Variants in CAMK4 observed in about 807,000 individuals in gnomAD.
CAMK4 encodes the protein calcium/calmodulin-dependent protein kinase type IV.
CAMK4 carries 22 observed loss-of-function variants against 44.9 expected under a neutral mutation model. The ratio of observed to expected loss-of-function variants is 0.49; its 90% CI spans 0.35 to 0.70. CAMK4 has a LOEUF of 0.70. CAMK4 is among the 30% of genes least tolerant of loss of function. The pLI, the probability that CAMK4 is intolerant of heterozygous loss-of-function variation, is 0.01. For synonymous variants in CAMK4, 218 were observed against 215.4 expected, an observed-to-expected ratio of 1.01 and a Z score of -0.11; for missense variants, 498 against 586.8, an observed-to-expected ratio of 0.85 and a Z score of 1.56.
At chr5:111,236,492 A>G (rs949464065) in intron 1 of CAMK4, among the ~76,000 whole-genome samples, 1 of 152,280 alleles carries the variant, frequency 6.6e-6, no homozygotes, top group Non-Finnish European at 1.5e-5. Flanking sequence ...TCACACAGCC[A>G]GGTGGAGAGG....
At chr5:111,352,586 G>C (rs527886129) in intron 2 of CAMK4, among the ~76,000 whole-genome samples, 171 of 145,482 alleles carry the variant, frequency 1.2e-3, no homozygotes, top group Admixed American at 2.5e-3. Flanking sequence ...AAAATCAAGG[G>C]GCCAGCATGT....
chr5:111,232,797 C>T lies in CAMK4; in HGVS notation c.161+8153C>T, dbSNP rs570421959. ...TTTTTTTTTAAGGAAAAAACAATCC[C>T]ATAGCCTATGACTAGGTAAGAAAGG... On this transcript the variant is annotated intron_variant, in intron 1 of 10. Coordinates refer to ENST00000282356, the MANE Select transcript of CAMK4 (RefSeq NM_001744.6). Among the ~76,000 whole-genome samples the T allele has an allele frequency of 2.3e-3, 345 of 151,444 alleles. 1 individual carries two copies. The highest frequency in any genetic ancestry group is 7.8e-3 in the African/African-American group (320 of 41,212).
intron 1 of CAMK4, among the ~76,000 whole-genome samples, chr5:111,293,913 A>AT (rs1320281545): frequency 1.3e-4 from 19 of 150,518 alleles, no homozygotes; most frequent in African/African-American, 4.6e-4. Context: ...TGCCCGGCTA[A>AT]TTTTTTTGTA....
chr5:111,331,348 T>C (rs140087725), intron 1 of CAMK4, among the ~76,000 whole-genome samples: 143 of 151,838 alleles, frequency 9.4e-4, no homozygotes, highest in African/African-American at 3.3e-3. Context: ...TCAACATCAT[T>C]ATTCGTGGAA....
chr5:111,478,596 C>A, intron 9 of CAMK4, 89 bp downstream of exon 9: 2 of 522,300 alleles, frequency 3.8e-6, no homozygotes, highest in South Asian at 7.6e-5. Context: ...AAATTTTACC[C>A]ATATTAATGC....
intron 8 of CAMK4, among the ~76,000 whole-genome samples, chr5:111,476,568 C>T (rs897951650): frequency 4.0e-5 from 6 of 151,790 alleles, no homozygotes; most frequent in Non-Finnish European, 8.8e-5. Context: ...TGACCCACCG[C>T]GCATGGCCCA....
At chr5:111,429,168 A>G (rs973562796) in intron 5 of CAMK4, among the ~76,000 whole-genome samples, 6 of 148,358 alleles carry the variant, frequency 4.0e-5, no homozygotes, top group Non-Finnish European at 5.9e-5. Context: ...ATTAAAGTGA[A>G]AAAAAAGTGC....
chr5:111,455,300 T>G (rs1341899275), intron 7 of CAMK4, among the ~76,000 whole-genome samples: 1 of 152,164 alleles, frequency 6.6e-6, no homozygotes, highest in African/African-American at 2.4e-5. Flanking sequence ...ATTCTGAGTT[T>G]CCATAAAGAA....
intron 2 of CAMK4, among the ~76,000 whole-genome samples, chr5:111,355,161 T>C (rs1339681357): frequency 6.6e-6 from 1 of 152,054 alleles, no homozygotes; most frequent in African/African-American, 2.4e-5. Flanking sequence ...TTAAGGAAAG[T>C]AGCTTTCAGA....
intron 1 of CAMK4, among the ~76,000 whole-genome samples, chr5:111,226,928 A>G (rs1323840131): frequency 6.6e-6 from 1 of 152,238 alleles, no homozygotes; most frequent in African/African-American, 2.4e-5. Context: ...CTGTCTATAC[A>G]TTGCTAAGAT....
At chr5:111,477,815 A>G (rs1385930574) in intron 8 of CAMK4, among the ~76,000 whole-genome samples, 1 of 152,202 alleles carries the variant, frequency 6.6e-6, no homozygotes, top group Non-Finnish European at 1.5e-5. Context: ...CTGAAATCCA[A>G]ACTGGAATGG....
At chr5:111,283,276 A>G (rs1432765599) in intron 1 of CAMK4, among the ~76,000 whole-genome samples, 1 of 152,058 alleles carries the variant, frequency 6.6e-6, no homozygotes, top group African/African-American at 2.4e-5. Context: ...TTAGACTTAT[A>G]TGTAGATCTT....
At chr5:111,223,717 TC>T (rs929452255), upstream of CAMK4, 1 of 152,338 alleles carries the variant, frequency 6.6e-6, no homozygotes, top group African/African-American at 2.4e-5. This position sits in a 1 kb window ranked among gnomAD's most constrained non-coding sequence, Gnocchi z 4.3. Flanking sequence ...GTGAGTCAGG[TC>T]AGTGTGGACC....
At chr5:111,381,228 A>G (rs1180786045) in intron 4 of CAMK4, among the ~76,000 whole-genome samples, 1 of 152,146 alleles carries the variant, frequency 6.6e-6, no homozygotes, top group African/African-American at 2.4e-5. Flanking sequence ...AAGGGACAGA[A>G]CTAACAGGAT....
At chr5:111,421,587 C>T (rs1037245247) in intron 5 of CAMK4, among the ~76,000 whole-genome samples, 17 of 152,136 alleles carry the variant, frequency 1.1e-4, no homozygotes, top group Non-Finnish European at 2.9e-5. Context: ...TTTTTCTCTC[C>T]ATTTCTTAGT....
rs1755622329 is a variant in CAMK4, at chr5:111,486,416, C to T, written c.*1950C>T. The T allele has an allele frequency of 6.6e-6, 1 of 151,410 alleles. No homozygotes were observed. Among genetic ancestry groups the T allele is most frequent in the East Asian group, 1.9e-4 (1 of 5,168 alleles). 9.4% of individuals were successfully genotyped at this position (151,410 alleles called of 1,614,324 possible). A position where few individuals can be genotyped will look rare whatever the true frequency, so the allele number is the denominator to read the frequency against. On this transcript the variant is annotated 3_prime_UTR_variant, in exon 11 of 11. Transcript: ENST00000282356. ...TTATAAGGGGCTCGCTATTTTTAAC[C>T]TTTAAGAATGTCTTCTTTGTTAAGC...
chr5:111,352,637 C>CAGAGAGAGAGAGAGAG (rs70973603), intron 2 of CAMK4, among the ~76,000 whole-genome samples: 1 of 109,102 alleles, frequency 9.2e-6, no homozygotes, highest in Admixed American at 1.0e-4. Context: ...GGCAGAATAG[C>CAGAGAGAGAGAGAGAG]AGAGAGAGAG....
At chr5:111,277,414 T>A (rs1042651214) in intron 1 of CAMK4, 8 of 152,224 alleles carry the variant, frequency 5.3e-5, no homozygotes, top group Non-Finnish European at 8.8e-5. Flanking sequence ...TGAAACTGAT[T>A]TTCTGGGATT....
At chr5:111,369,814 C>T (rs186632354) in intron 2 of CAMK4, among the ~76,000 whole-genome samples, 10 of 152,252 alleles carry the variant, frequency 6.6e-5, no homozygotes, top group Admixed American at 1.3e-4. Flanking sequence ...TTATTTCTGA[C>T]ACCTAATATG....
Sources: allele counts gnomAD v4.1 joint callset (sites outside exome capture counted in the v4.1 genomes callset), GRCh38; gene constraint gnomAD v4.1.1; non-coding constraint Gnocchi (gnomAD v3.1); transcripts MANE v1.5; gene names NCBI Gene and HGNC (gene_info 2026-07-23, HGNC 2026-07-21).